Variants in MKLN1 observed in about 807,000 individuals in gnomAD.
MKLN1 encodes the protein muskelin 1.
A neutral mutation model predicts 99.0 loss-of-function variants in MKLN1; 18 were observed. The observed-to-expected ratio is 0.18, with a 90% confidence interval of 0.13 to 0.27. The LOEUF (loss-of-function observed/expected upper bound fraction) is 0.27. MKLN1 is among the 10% of genes least tolerant of loss of function. MKLN1 has a pLI of 1.00. For synonymous variants in MKLN1, 288 were observed against 293.2 expected, an observed-to-expected ratio of 0.98 and a Z score of 0.18; for missense variants, 621 against 875.9, an observed-to-expected ratio of 0.71 and a Z score of 3.67.
At chr7:131,481,239 G>T (rs1367294302) in intron 17 of MKLN1, among the ~76,000 whole-genome samples, 1 of 152,174 alleles carries the variant, frequency 6.6e-6, no homozygotes, top group Non-Finnish European at 1.5e-5. Context: ...TCTTGAGCAA[G>T]TTATTTAAAC....
chr7:131,376,294 T>G (rs1351240191), intron 2 of MKLN1, among the ~76,000 whole-genome samples: 1 of 148,450 alleles, frequency 6.7e-6, no homozygotes, highest in Non-Finnish European at 1.5e-5. Context: ...GAGGCGAGGC[T>G]AGGCGTTCGA....
chr7:131,379,653 A>T (rs545266605), intron 2 of MKLN1, among the ~76,000 whole-genome samples: 123 of 152,336 alleles, frequency 8.1e-4, no homozygotes, highest in East Asian at 5.8e-3. Context: ...TGATAGCACA[A>T]TAGGCTGACT....
At chr7:131,393,537 TA>T (rs1794268299) in intron 4 of MKLN1, among the ~76,000 whole-genome samples, 1 of 152,246 alleles carries the variant, frequency 6.6e-6, no homozygotes, top group Non-Finnish European at 1.5e-5. Context: ...AAATTATAAC[TA>T]ATTTTATTCT....
intron 1 of MKLN1, among the ~76,000 whole-genome samples, chr7:131,347,317 C>T (rs1368991959): frequency 6.6e-6 from 1 of 152,156 alleles, no homozygotes; most frequent in Non-Finnish European, 1.5e-5. Context: ...CATTCAGATG[C>T]AGGAACCTGG....
At chr7:131,425,427 CTTGT>C (rs1795330534) in intron 8 of MKLN1, among the ~76,000 whole-genome samples, 2 of 152,052 alleles carry the variant, frequency 1.3e-5, no homozygotes, top group Admixed American at 1.3e-4. Flanking sequence ...TGCTTTTTAC[CTTGT>C]TTATCTTTCT....
chr7:131,423,225 G>C (rs1166888522), intron 8 of MKLN1, among the ~76,000 whole-genome samples: 1 of 152,214 alleles, frequency 6.6e-6, no homozygotes, highest in Non-Finnish European at 1.5e-5. Context: ...ATCTACAAAA[G>C]AAGTTGATGG....
At chr7:131,377,805 C>T (rs528304749) in intron 2 of MKLN1, among the ~76,000 whole-genome samples, 76 of 152,246 alleles carry the variant, frequency 5.0e-4, no homozygotes, top group African/African-American at 1.4e-3. Context: ...ATTGTCTCCT[C>T]TTGATGAGCG....
intron 9 of MKLN1, among the ~76,000 whole-genome samples, chr7:131,430,697 A>G (rs1795498949): frequency 6.6e-6 from 1 of 152,056 alleles, no homozygotes; most frequent in South Asian, 2.1e-4. Context: ...CAGTTTTTTC[A>G]ACTTTATGGT....
chr7:131,319,618 T>G (rs1289710153), intron 3 of MKLN1, among the ~76,000 whole-genome samples: 1 of 152,106 alleles, frequency 6.6e-6, no homozygotes, highest in Admixed American at 6.5e-5. Context: ...GAGAAAGAAA[T>G]AAAGGGTATT....
chr7:131,432,411 A>G (rs1461618131), intron 9 of MKLN1, among the ~76,000 whole-genome samples: 1 of 152,194 alleles, frequency 6.6e-6, no homozygotes, highest in Non-Finnish European at 1.5e-5. Context: ...CTGGAAAAAT[A>G]TAGAGATTAT....
At chr7:131,169,296 A>G (rs1370126431) in intron 2 of MKLN1, among the ~76,000 whole-genome samples, 1 of 152,260 alleles carries the variant, frequency 6.6e-6, no homozygotes, top group African/African-American at 2.4e-5. Context: ...GCCTAAGTGA[A>G]CAATTGAATA....
chr7:131,359,402 TA>T (rs1228379133), intron 1 of MKLN1, among the ~76,000 whole-genome samples: 1 of 152,152 alleles, frequency 6.6e-6, no homozygotes, highest in Non-Finnish European at 1.5e-5. Context: ...ATTACTAACA[TA>T]TATTTTATCA....
intron 2 of MKLN1, among the ~76,000 whole-genome samples, chr7:131,175,295 T>C (rs1375007841): frequency 8.5e-6 from 1 of 117,458 alleles, no homozygotes; most frequent in Non-Finnish European, 1.8e-5. Context: ...TCTTCCTGAT[T>C]TTGTTGTTCT....
chr7:131,428,345 AAG>A (rs1352712410), intron 8 of MKLN1, among the ~76,000 whole-genome samples: 1 of 152,194 alleles, frequency 6.6e-6, no homozygotes, highest in Non-Finnish European at 1.5e-5. Flanking sequence ...GAATGACTTA[AAG>A]GATAATTTCT....
At chr7:131,486,066 T>A (rs1235670664) in intron 17 of MKLN1, among the ~76,000 whole-genome samples, 1 of 151,726 alleles carries the variant, frequency 6.6e-6, no homozygotes, top group Non-Finnish European at 1.5e-5. Context: ...GCAAAAAGAT[T>A]TTCAGTGGGG....
chr7:131,376,136 G>GTA (rs1793652399), intron 2 of MKLN1, among the ~76,000 whole-genome samples: 1 of 9,496 alleles, frequency 1.1e-4, no homozygotes, highest in Non-Finnish European at 2.1e-4. Flanking sequence ...ATATATATAT[G>GTA]TATGATGTAT....
intron 2 of MKLN1, among the ~76,000 whole-genome samples, chr7:131,152,969 T>C (rs1795910152): frequency 6.6e-6 from 1 of 151,734 alleles, no homozygotes; most frequent in Non-Finnish European, 1.5e-5. Flanking sequence ...TCTGATTGCA[T>C]TCCTATGATA....
Position 131,489,788 on chromosome 7 carries a change from C to T in MKLN1, c.*2060C>T, listed in dbSNP as rs1797377961. On this transcript the variant is annotated 3_prime_UTR_variant, in exon 18 of 18. Coordinates refer to ENST00000352689, the MANE Select transcript of MKLN1 (RefSeq NM_013255.5). ...CCTCAGTAATTTTATTTTTGTTTTT[C>T]CCTAAATGTTTCCCTACTAGTCTTT... is the stretch of plus-strand genomic sequence containing the variant. The T allele has an allele frequency of 6.6e-6, 1 of 151,962 alleles. No homozygotes were observed. The highest frequency in any genetic ancestry group is 1.5e-5 in the Non-Finnish European group (1 of 67,976). 9.4% of individuals were successfully genotyped at this position (151,962 alleles called of 1,614,324 possible). A position where few individuals can be genotyped will look rare whatever the true frequency, so the allele number is the denominator to read the frequency against.
intron 11 of MKLN1, among the ~76,000 whole-genome samples, chr7:131,445,108 G>A (rs1358475251): frequency 6.6e-6 from 1 of 152,068 alleles, no homozygotes; most frequent in African/African-American, 2.4e-5. Flanking sequence ...GACTTCTAGG[G>A]ATGGGTAGTC....
Sources: allele counts gnomAD v4.1 joint callset (sites outside exome capture counted in the v4.1 genomes callset), GRCh38; gene constraint gnomAD v4.1.1; transcripts MANE v1.5; gene names NCBI Gene and HGNC (gene_info 2026-07-23, HGNC 2026-07-21).